MAT1A: variants seen among roughly 807,000 people sequenced by gnomAD.
MAT1A encodes the protein methionine adenosyltransferase 1A.
Under a neutral mutation model 44.0 loss-of-function variants are expected in MAT1A, and 19 were observed. The ratio of observed to expected loss-of-function variants is 0.43; its 90% CI spans 0.30 to 0.63. The LOEUF (loss-of-function observed/expected upper bound fraction) is 0.63. Among genes scored for constraint, MAT1A ranks in the 30% least tolerant of loss-of-function variants. The pLI is 0.12. For synonymous variants in MAT1A, 205 were observed against 205.6 expected, an observed-to-expected ratio of 1.00 and a Z score of 0.03; for missense variants, 397 against 531.0, an observed-to-expected ratio of 0.75 and a Z score of 2.48.
chr10:80,276,539 G>T lies in MAT1A; in HGVS notation c.605C>A (p.Thr202Asn), dbSNP rs1841487973. 1.2e-6 allele frequency: 2 copies of T among 1,613,996 alleles called. No homozygotes were observed. The highest frequency in any genetic ancestry group is 8.5e-7 in the Non-Finnish European group (1 of 1,180,042). ...GTTGTGCTGCACAGAGATGACGATG[G>T]TGTGGATGCGCACAGGGATGACTGC... ...NGAVIPVRIH[T>N]IVISVQHNED... Residue 202 changes from threonine to asparagine, a missense_variant, in exon 6 of 9, where the codon ACC becomes AAC. Coordinates refer to ENST00000372213, the MANE Select transcript of MAT1A (RefSeq NM_000429.3).
intron 1 of MAT1A, 116 bp from the exon 2 acceptor site, chr10:80,285,705 G>A: frequency 2.7e-6 from 2 of 727,850 alleles, no homozygotes; most frequent in South Asian, 1.6e-5. Flanking sequence ...CTACCAGAGG[G>A]AAAACACTTT....
intron 1 of MAT1A, 33 bp downstream of exon 1, chr10:80,289,300 C>T (rs201884805): frequency 5.1e-6 from 8 of 1,559,020 alleles, no homozygotes; most frequent in Non-Finnish European, 2.7e-6. Context: ...TTGGAATGAT[C>T]GTTTTCCAGT....
chr10:80,283,534 G>A (rs1841596837), intron 3 of MAT1A, among the ~76,000 whole-genome samples: 2 of 152,282 alleles, frequency 1.3e-5, no homozygotes, highest in African/African-American at 4.8e-5. Context: ...TTCCTCGTCT[G>A]CATAAGTACA....
chr10:80,286,932 TTTTG>T (rs559503725), intron 1 of MAT1A, among the ~76,000 whole-genome samples: 3 of 152,098 alleles, frequency 2.0e-5, no homozygotes, highest in East Asian at 1.9e-4. Context: ...TGAGGTTGTG[TTTTG>T]TTTGTTTGTT....
rs1589480351 is a variant in MAT1A at position 80,275,747 on chromosome 10, C to T, written c.769-548G>A. Among the ~76,000 whole-genome samples, 5 of 152,384 alleles carry T rather than the reference C, an allele frequency of 3.3e-5. No individual in the cohort carries two copies. The South Asian group carries it at 1.0e-3, about 32-fold the overall frequency. On this transcript the variant is annotated intron_variant, in intron 6 of 8. Transcript: ENST00000372213. Reference sequence around the variant, plus strand: ...CTTTGAGAAGTCCTGCAAGAAAAAACAATAAGTGTTACCTCCTTCTACTCT... The same window carrying T: ...CTTTGAGAAGTCCTGCAAGAAAAAATAATAAGTGTTACCTCCTTCTACTCT...
chr10:80,287,694 A>C (rs1841665982), intron 1 of MAT1A, among the ~76,000 whole-genome samples: 1 of 152,244 alleles, frequency 6.6e-6, no homozygotes, highest in South Asian at 2.1e-4. Context: ...TGAGGCTCAT[A>C]GCCATGGAGC....
At chr10:80,283,720 A>G (rs1841600488) in intron 3 of MAT1A, among the ~76,000 whole-genome samples, 196 bp downstream of exon 3, 4 of 152,276 alleles carry the variant, frequency 2.6e-5, no homozygotes. Flanking sequence ...TGCTGGGCCC[A>G]CTGGGCATAG....
At chr10:80,281,151 A>C (rs1294061315) in intron 3 of MAT1A, among the ~76,000 whole-genome samples, 1 of 152,158 alleles carries the variant, frequency 6.6e-6, no homozygotes, top group Non-Finnish European at 1.5e-5. Flanking sequence ...CCTGCCCCTC[A>C]GGCTCTCCCA....
chr10:80,281,982 A>C (rs1433819338), intron 3 of MAT1A, among the ~76,000 whole-genome samples: 1 of 152,170 alleles, frequency 6.6e-6, no homozygotes, highest in East Asian at 1.9e-4. Context: ...ACACAATGCC[A>C]GGAACTTACC....
Position 80,275,197 on chromosome 10 carries a change from C to A in MAT1A, c.771G>T (p.Gly257=), listed in dbSNP as rs778011816. The A allele has an allele frequency of 6.2e-7, 1 of 1,612,262 alleles. No homozygotes were observed. Among genetic ancestry groups the A allele is most frequent in the Admixed American group, 1.7e-5 (1 of 59,930 alleles). ...SGRFVIGGPQ[G]DAGVTGRKII... ...TCTTACGGCCAGTGACACCCGCATC[C>A]CCCTGCAGAGGGAGAGAAATCAAGA... is the stretch of plus-strand genomic sequence containing the variant. Residue 257 remains glycine (G), a splice_region_variant and synonymous_variant, in exon 7 of 9, where the codon GGG becomes GGT. Transcript: ENST00000372213.
At chr10:80,274,033 C>A in intron 8 of MAT1A, 150 bp from the exon 9 acceptor site, 1 of 689,188 alleles carries the variant, frequency 1.5e-6, no homozygotes, top group Non-Finnish European at 2.7e-6. Context: ...GCGCACCCAT[C>A]CTATCTGTGC....
chr10:80,289,039 A>G (rs185219804), intron 1 of MAT1A, among the ~76,000 whole-genome samples: 4 of 152,350 alleles, frequency 2.6e-5, no homozygotes, highest in East Asian at 1.9e-4. Flanking sequence ...ACGAAGTTAC[A>G]GTCAGATAGG....
intron 5 of MAT1A, among the ~76,000 whole-genome samples, chr10:80,278,894 G>T (rs1841523949): frequency 6.6e-6 from 1 of 152,256 alleles, no homozygotes; most frequent in Non-Finnish European, 1.5e-5. Flanking sequence ...AAAAGAGGTA[G>T]AACTTTGCTG....
intron 3 of MAT1A, 51 bp from the exon 4 acceptor site, chr10:80,280,843 G>C: frequency 4.5e-6 from 6 of 1,325,744 alleles, no homozygotes; most frequent in Non-Finnish European, 6.5e-6. Flanking sequence ...GAAGGAGGGG[G>C]CCACAAACTT....
chr10:80,280,073 G>T, intron 5 of MAT1A, 100 bp downstream of exon 5: 1 of 1,409,698 alleles, frequency 7.1e-7, no homozygotes, highest in Non-Finnish European at 9.9e-7. Flanking sequence ...TGCCCAGATT[G>T]AATATTTCGA....
intron 1 of MAT1A, among the ~76,000 whole-genome samples, chr10:80,286,041 C>CT (rs1273182196): frequency 6.6e-6 from 1 of 152,028 alleles, no homozygotes; most frequent in Non-Finnish European, 1.5e-5. Context: ...GTTGGCCAGG[C>CT]TGGTCTTGAA....
At chr10:80,276,783 G>A (rs1419993189) in intron 5 of MAT1A, among the ~76,000 whole-genome samples, 189 bp from the exon 6 acceptor site, 1 of 152,212 alleles carries the variant, frequency 6.6e-6, no homozygotes, top group Non-Finnish European at 1.5e-5. Context: ...TGGTGCTGTG[G>A]GAGGACTGGG....
chr10:80,288,912 G>A (rs1426559833), intron 1 of MAT1A, among the ~76,000 whole-genome samples: 2 of 152,164 alleles, frequency 1.3e-5, no homozygotes, highest in African/African-American at 4.8e-5. Context: ...GCCACAGCAC[G>A]GCTTCATCAG....
rs1841439238 is a variant in MAT1A, at chr10:80,273,575, C to G, written c.*206G>C. 1 of 596,748 alleles carries G rather than the reference C, an allele frequency of 1.7e-6. No homozygotes were observed. Among genetic ancestry groups the G allele is most frequent in the Admixed American group, 2.8e-5 (1 of 35,670 alleles). 37.0% of individuals were successfully genotyped at this position (596,748 alleles called of 1,614,324 possible). A position where few individuals can be genotyped will look rare whatever the true frequency, so the allele number is the denominator to read the frequency against. ...AGCAGCAGGAGAACACCATGCCCAT[C>G]CTTACATCAAGATCCAACCTCCAGC... On this transcript the variant is annotated 3_prime_UTR_variant, in exon 9 of 9. Coordinates refer to ENST00000372213, the MANE Select transcript of MAT1A (RefSeq NM_000429.3).
Sources: allele counts gnomAD v4.1 joint callset (sites outside exome capture counted in the v4.1 genomes callset), GRCh38; gene constraint gnomAD v4.1.1; transcripts MANE v1.5; gene names NCBI Gene and HGNC (gene_info 2026-07-23, HGNC 2026-07-21).